Variants in FREM2 observed in about 807,000 individuals in gnomAD.
FREM2 encodes FRAS1-related extracellular matrix protein 2.
A neutral mutation model predicts 219.9 loss-of-function variants in FREM2; 119 were observed. The observed-to-expected ratio is 0.54, with a 90% CI of 0.47 to 0.63. The LOEUF is 0.63. Among genes scored for constraint, FREM2 ranks in the 30% least tolerant of loss-of-function variants. The pLI is 0.00. For missense variants in FREM2, 4,030 were observed against 3,993.6 expected (o/e 1.01, Z -0.25); for synonymous variants, 1,562 against 1,522.8 (o/e 1.03, Z -0.60).
At chr13:38,868,071 G>T (rs1374959689) in intron 16 of FREM2, among the ~76,000 whole-genome samples, 1 of 152,154 alleles carries the variant, frequency 6.6e-6, no homozygotes, top group Non-Finnish European at 1.5e-5. Flanking sequence ...CTTCACTGAG[G>T]TTAAGTTTCT....
At chr13:38,783,847 A>C (rs1244249588) in intron 5 of FREM2, among the ~76,000 whole-genome samples, 1 of 152,248 alleles carries the variant, frequency 6.6e-6, no homozygotes, top group African/African-American at 2.4e-5. Flanking sequence ...CTGTAATCCC[A>C]GCACTTTGGG....
At chr13:38,705,641 C>G (rs1870509755) in intron 2 of FREM2, among the ~76,000 whole-genome samples, 1 of 152,096 alleles carries the variant, frequency 6.6e-6, no homozygotes, top group Admixed American at 6.6e-5. Flanking sequence ...CAGTACCTAG[C>G]TAATAGGGTT....
intron 2 of FREM2, among the ~76,000 whole-genome samples, chr13:38,737,572 T>C (rs150757392): frequency 9.3e-4 from 141 of 152,326 alleles, no homozygotes; most frequent in African/African-American, 3.0e-3. Context: ...CTGTTAAGAA[T>C]GTTACAAGAA....
chr13:38,819,785 G>A (rs533731444), intron 6 of FREM2, among the ~76,000 whole-genome samples: 1 of 152,216 alleles, frequency 6.6e-6, no homozygotes, highest in East Asian at 1.9e-4. Flanking sequence ...TCATCTGTGA[G>A]TGGTTGGATA....
At chr13:38,727,431 A>G (rs1871575688) in intron 2 of FREM2, among the ~76,000 whole-genome samples, 1 of 152,240 alleles carries the variant, frequency 6.6e-6, no homozygotes, top group Non-Finnish European at 1.5e-5. Flanking sequence ...GTGAGCTGAG[A>G]TCATGCCACT....
chr13:38,763,277 A>G (rs1404566531), intron 2 of FREM2, among the ~76,000 whole-genome samples: 1 of 152,138 alleles, frequency 6.6e-6, no homozygotes, highest in Non-Finnish European at 1.5e-5. Context: ...TTTATTTTTT[A>G]AAAGTTCGAG....
rs147563277 is a variant in FREM2 at position 38,859,394 on chromosome 13, G to A, written c.7323G>A (p.Ala2441=). 2.5e-3 allele frequency: 4,017 copies of A among 1,614,028 alleles called. 7 individuals carry two copies. Among genetic ancestry groups the A allele is most frequent in the Non-Finnish European group, 3.2e-3 (3,795 of 1,180,026 alleles). The change falls in exon 14 of 24, where the codon GCG becomes GCA. Residue 2441 remains alanine, a synonymous_variant. Transcript: ENST00000280481. Reference sequence around the variant, plus strand: ...ACCGGTGGCTGATTAGTGCACCTGCGGGCCCTGACGGTGTGACCAGCCCTA... The same window carrying A: ...ACCGGTGGCTGATTAGTGCACCTGCAGGCCCTGACGGTGTGACCAGCCCTA... ...TRYRWLISAP[A]GPDGVTSPMR... is the part of the protein sequence containing the mutation.
intron 6 of FREM2, among the ~76,000 whole-genome samples, chr13:38,826,207 G>A (rs1303086987): frequency 1.3e-5 from 2 of 152,004 alleles, no homozygotes; most frequent in Middle Eastern, 3.2e-3. Context: ...AAACACAAAC[G>A]TCCCAGAAGG....
At chr13:38,696,889 C>G (rs896715527) in intron 1 of FREM2, among the ~76,000 whole-genome samples, 6 of 151,340 alleles carry the variant, frequency 4.0e-5, no homozygotes, top group African/African-American at 1.5e-4. Context: ...CTCACTGCAA[C>G]CTTTGCCTCC....
intron 6 of FREM2, among the ~76,000 whole-genome samples, chr13:38,802,658 C>T (rs566496061): frequency 1.9e-4 from 29 of 152,288 alleles, no homozygotes; most frequent in Middle Eastern, 6.8e-3. Context: ...AGCATCAGCT[C>T]CAGGATAAGA....
At chr13:38,785,720 G>T (rs986157427) in intron 6 of FREM2, among the ~76,000 whole-genome samples, 3 of 152,220 alleles carry the variant, frequency 2.0e-5, no homozygotes, top group Non-Finnish European at 4.4e-5. Flanking sequence ...TATACTCTGT[G>T]CCAGGCATGG....
intron 5 of FREM2, among the ~76,000 whole-genome samples, chr13:38,783,405 C>G (rs1874198635): frequency 6.7e-6 from 1 of 149,558 alleles, no homozygotes; most frequent in African/African-American, 2.5e-5. Context: ...CTGCAATACT[C>G]AAGGCTTTTT....
At chr13:38,867,395 T>C (rs548493856) in intron 16 of FREM2, among the ~76,000 whole-genome samples, 1 of 152,380 alleles carries the variant, frequency 6.6e-6, no homozygotes, top group South Asian at 2.1e-4. Flanking sequence ...ATTGAGATTT[T>C]AGGATCTTGT....
Position 38,769,559 on chromosome 13 carries a change from ATAT to A in FREM2, c.5411-15_5411-13del, listed in dbSNP as rs1047834025. 62 of 1,578,356 alleles carry A rather than the reference ATAT, an allele frequency of 3.9e-5. No individual in the cohort carries two copies. Among genetic ancestry groups the A allele is most frequent in the Non-Finnish European group, 5.2e-5 (60 of 1,148,264 alleles). On this transcript the variant is annotated splice_polypyrimidine_tract_variant and intron_variant, in intron 3 of 23. Transcript: ENST00000280481. ...AAGCGAAAATGAAACTAAGAAAATGATATTATGTTTTTGTGAAGGTATTGGCAC... is the reference window on the plus strand; with the variant it reads ...AAGCGAAAATGAAACTAAGAAAATGATATGTTTTTGTGAAGGTATTGGCAC...
intron 6 of FREM2, among the ~76,000 whole-genome samples, chr13:38,811,750 C>G (rs914516488): frequency 3.3e-5 from 5 of 152,014 alleles, no homozygotes; most frequent in Non-Finnish European, 5.9e-5. Context: ...GATTCCTGTT[C>G]TGAGGAGAAA....
intron 6 of FREM2, among the ~76,000 whole-genome samples, chr13:38,800,479 A>G (rs1380724506): frequency 6.6e-6 from 1 of 151,968 alleles, no homozygotes; most frequent in Non-Finnish European, 1.5e-5. Context: ...TTCTGGTTTT[A>G]GGATCCTTTT....
rs761542292 is a variant in FREM2, at chr13:38,691,570, AC to A, written c.4227del (p.Tyr1411MetfsTer14). 1 of 1,614,148 alleles carries A rather than the reference AC, an allele frequency of 6.2e-7. No homozygotes were observed. The highest frequency in any genetic ancestry group is 8.5e-7 in the Non-Finnish European group (1 of 1,180,024). On this transcript the variant is annotated frameshift_variant, in exon 1 of 24. Transcript: ENST00000280481. LOFTEE classifies it high-confidence loss of function. Reference sequence around the variant, plus strand: ...GGAATAAATCCCCTCATAGATCGTTACTTTTATGTGTCCATCGGGAGCATTG... The same window carrying A: ...GGAATAAATCCCCTCATAGATCGTTATTTTATGTGTCCATCGGGAGCATTG... Reference protein sequence around the residue: ...TDGINPLIDRYFYVSIGSIDI... With the variant: ...TDGINPLIDRXFYVSIGSIDI...
At chr13:38,824,511 C>G (rs1221195021) in intron 6 of FREM2, among the ~76,000 whole-genome samples, 3 of 152,090 alleles carry the variant, frequency 2.0e-5, no homozygotes, top group Admixed American at 6.6e-5. Flanking sequence ...TCAAATCAGT[C>G]TCACCAAAGG....
intron 11 of FREM2, among the ~76,000 whole-genome samples, chr13:38,855,625 A>G (rs1202372096): frequency 2.0e-5 from 3 of 152,188 alleles, no homozygotes; most frequent in Non-Finnish European, 4.4e-5. Flanking sequence ...GAAGTAACTC[A>G]GGAATGGAAA....
Sources: allele counts gnomAD v4.1 joint callset (sites outside exome capture counted in the v4.1 genomes callset), GRCh38; gene constraint gnomAD v4.1.1; transcripts MANE v1.5; gene names NCBI Gene and HGNC (gene_info 2026-07-23, HGNC 2026-07-21).